Variants in SEL1L observed in about 807,000 individuals in gnomAD.
SEL1L encodes the protein SEL1L adaptor subunit of SYVN1 ubiquitin ligase.
In SEL1L, 52 loss-of-function variants were observed where a neutral mutation model predicts 109.8. The ratio of observed to expected loss-of-function variants is 0.47; its 90% CI spans 0.38 to 0.60. The LOEUF (loss-of-function observed/expected upper bound fraction) is 0.60, where lower values mean the gene tolerates loss of function less well. Among genes scored for constraint, SEL1L ranks in the 20% least tolerant of loss-of-function variants. SEL1L has a pLI of 0.00. For synonymous variants in SEL1L, 373 were observed against 339.6 expected (o/e 1.10, Z -1.08); for missense variants, 749 against 962.2 (o/e 0.78, Z 2.93).
rs1885434928 is a variant in SEL1L at position 81,533,812 on chromosome 14, A to G, written c.-68T>C. 1.4e-6 allele frequency: 2 copies of G among 1,472,214 alleles called. No individual in the cohort carries two copies. The highest frequency in any genetic ancestry group is 1.9e-6 in the Non-Finnish European group (2 of 1,067,120). The allele number at this position is 1,472,214 out of a possible 1,614,324, so 91.2% of individuals were successfully genotyped here. A position where few individuals can be genotyped will look rare whatever the true frequency, so the allele number is the denominator to read the frequency against. The stretch of plus-strand genomic sequence containing the variant: ...CGCCTCTGCCACCACGGACTCAGCC[A>G]CCACCGCCGCCTCGCCGCTGCTCTT... On this transcript the variant is annotated 5_prime_UTR_variant, in exon 1 of 21. Transcript: ENST00000336735.
At chr14:81,487,261 A>G (rs1903548753) in intron 16 of SEL1L, 129 bp downstream of exon 16, 1 of 792,454 alleles carries the variant, frequency 1.3e-6, no homozygotes, top group Non-Finnish European at 1.9e-6. Context: ...TTCCCTCAGT[A>G]TATCAAAGCT....
At position 81,479,752 on chromosome 14, in the gene SEL1L, G is replaced by GT. The variant is rs1212198997; in HGVS notation, c.2047-13dup. ...GCAAGGTGAATATCCTATAATACAGGTAAGAAACAAAAATGCATTTCTTGT... is the reference window on the plus strand; with the variant it reads ...GCAAGGTGAATATCCTATAATACAGGTTAAGAAACAAAAATGCATTTCTTGT... On this transcript the variant is annotated splice_polypyrimidine_tract_variant and intron_variant, in intron 19 of 20. Coordinates refer to ENST00000336735, the MANE Select transcript of SEL1L (RefSeq NM_005065.6). The GT allele has an allele frequency of 1.3e-6, 2 of 1,583,682 alleles. No homozygotes were observed. Among genetic ancestry groups the GT allele is most frequent in the Non-Finnish European group, 1.7e-6 (2 of 1,168,584 alleles).
At chr14:81,505,312 G>A (rs1884196040) in intron 4 of SEL1L, among the ~76,000 whole-genome samples, 1 of 152,072 alleles carries the variant, frequency 6.6e-6, no homozygotes, top group Non-Finnish European at 1.5e-5. Context: ...TTTTTCAAAA[G>A]TTATTTTGCT....
At chr14:81,505,948 G>A in intron 4 of SEL1L, 126 bp downstream of exon 4, 3 of 888,884 alleles carry the variant, frequency 3.4e-6, no homozygotes, top group Non-Finnish European at 5.1e-6. Context: ...CTTTAAGGCT[G>A]TAATGACATC....
rs950818610 is a variant in SEL1L, at chr14:81,476,175, G to C, written c.*797C>G. On this transcript the variant is annotated 3_prime_UTR_variant, in exon 21 of 21. Coordinates refer to ENST00000336735, the MANE Select transcript of SEL1L (RefSeq NM_005065.6). ...GTCCATCCTCTGGCTTCTGGATCAA[G>C]GCTCTGTATATTCAAAACAAACAAG... The C allele has an allele frequency of 1.3e-5, 2 of 152,326 alleles. No individual in the cohort carries two copies. Among genetic ancestry groups the C allele is most frequent in the Admixed American group, 6.5e-5 (1 of 15,300 alleles). The allele number at this position is 152,326 out of a possible 1,614,324, so 9.4% of individuals were successfully genotyped here.
At chr14:81,477,842 A>G (rs1256842612) in intron 20 of SEL1L, among the ~76,000 whole-genome samples, 1 of 152,194 alleles carries the variant, frequency 6.6e-6, no homozygotes, top group Non-Finnish European at 1.5e-5. Flanking sequence ...AACAGTGGTG[A>G]GCCAAGGGGA....
chr14:81,505,973 T>C, intron 4 of SEL1L, 101 bp downstream of exon 4: 1 of 1,224,948 alleles, frequency 8.2e-7, no homozygotes, highest in Non-Finnish European at 1.2e-6. Flanking sequence ...ATGCTGGCCA[T>C]TTCTGACCAA....
chr14:81,502,514 C>T (rs928155862), intron 6 of SEL1L, among the ~76,000 whole-genome samples: 1 of 152,148 alleles, frequency 6.6e-6, no homozygotes, highest in Non-Finnish European at 1.5e-5. Flanking sequence ...TAGCAAGGCA[C>T]AACTGCAAAA....
In SEL1L at chr14:81,526,819, T is replaced by C. The variant is rs1885131508; in HGVS notation, c.254A>G (p.Glu85Gly). The C allele has an allele frequency of 6.2e-7, 1 of 1,606,906 alleles. No individual in the cohort carries two copies. The highest frequency in any genetic ancestry group is 1.1e-5 in the South Asian group (1 of 89,564). The change falls in exon 3 of 21, where the codon GAA becomes GGA. Residue 85 changes from glutamate (E) to glycine (G), a missense_variant. Physicochemically the swap from Glu to Gly is moderately conservative, Grantham distance 98. This residue lies in a region of SEL1L where 366 missense variants were observed against 399.8 expected (regional missense o/e 0.92). Coordinates refer to ENST00000336735, the MANE Select transcript of SEL1L (RefSeq NM_005065.6). ...EEDSLKSQEGESVTEDISFLE... is the reference protein window; with the variant it reads ...EEDSLKSQEGGSVTEDISFLE... ...AAAGCTGATATCTTCTGTGACACTT[T>C]CCCCCTCTTGGCTCTTGAGGCTGTC...
rs186901821 is a variant in SEL1L, at chr14:81,512,231, T to C, written c.341-5990A>G. ...GACCTCACCCAATCAGTTGAAGGAC[T>C]GAGCAGAATGAAGACTGAACCCTAT... On this transcript the variant is annotated intron_variant, in intron 3 of 20. Transcript: ENST00000336735. Among the ~76,000 whole-genome samples the C allele has an allele frequency of 9.8e-5, 15 of 152,324 alleles. No individual in the cohort carries two copies. The East Asian group carries it at 2.3e-3, about 23-fold the overall frequency.
In SEL1L at chr14:81,484,219, A is replaced by G; in HGVS notation, c.2046+6T>C. The G allele has an allele frequency of 6.3e-7, 1 of 1,598,724 alleles. No homozygotes were observed. The highest frequency in any genetic ancestry group is 8.6e-7 in the Non-Finnish European group (1 of 1,167,706). On this transcript the variant is annotated splice_donor_region_variant and intron_variant, in intron 19 of 20. Coordinates refer to ENST00000336735, the MANE Select transcript of SEL1L (RefSeq NM_005065.6). ...TGATTCAAACGTGTTTGGAAGCCAC[A>G]CTCACCTGTTTAATGCCCAGTCCTT...
chr14:81,499,572 C>T (rs368989913), intron 7 of SEL1L, 37 bp downstream of exon 7: 87 of 1,608,214 alleles, frequency 5.4e-5, no homozygotes, highest in Admixed American at 5.1e-5. Context: ...TTATTCAATT[C>T]AAATTGTAAT....
At chr14:81,514,493 T>G (rs780542631) in intron 3 of SEL1L, among the ~76,000 whole-genome samples, 10 of 152,230 alleles carry the variant, frequency 6.6e-5, no homozygotes, top group Admixed American at 2.0e-4. Context: ...CCGATTTTTC[T>G]CAGTCCTCTT....
chr14:81,478,645 T>C (rs1903248780), intron 20 of SEL1L, among the ~76,000 whole-genome samples: 1 of 152,194 alleles, frequency 6.6e-6, no homozygotes, highest in Non-Finnish European at 1.5e-5. Context: ...TACCATGCAA[T>C]TATAGCAACT....
intron 12 of SEL1L, among the ~76,000 whole-genome samples, 182 bp downstream of exon 12, chr14:81,492,298 C>T (rs1008288828): frequency 3.3e-5 from 5 of 152,154 alleles, no homozygotes; most frequent in Non-Finnish European, 7.3e-5. Context: ...GCTGCAAACA[C>T]TATGTTATAT....
At chr14:81,499,701 G>A (rs770039739) in intron 6 of SEL1L, 39 bp from the exon 7 acceptor site, 32 of 1,554,276 alleles carry the variant, frequency 2.1e-5, no homozygotes, top group Non-Finnish European at 2.8e-5. Context: ...TTGCTTTGGT[G>A]AAGGTTTATC....
intron 3 of SEL1L, among the ~76,000 whole-genome samples, chr14:81,516,187 G>C (rs1884694438): frequency 6.6e-6 from 1 of 152,214 alleles, no homozygotes; most frequent in Admixed American, 6.5e-5. Context: ...CCCAGGCCAA[G>C]CGCCAGCTCA....
Position 81,506,090 on chromosome 14 carries a change from C to G in SEL1L, c.492G>C (p.Lys164Asn), listed in dbSNP as rs1348429988. The change falls in exon 4 of 21, where the codon AAG (lysine) becomes AAC (asparagine). Residue 164 changes from lysine (K) to asparagine (N), a missense_variant. Coordinates refer to ENST00000336735, the MANE Select transcript of SEL1L (RefSeq NM_005065.6). ...AATACTTACTTTCACAAAAGCCCCA[C>G]TTTTCATCTGCTTTGTAGTCATAGG... is the stretch of plus-strand genomic sequence containing the variant. The part of the protein sequence containing the change: ...ATTYDYKADE[K>N]WGFCETEEEA... 6.2e-7 allele frequency: 1 copy of G among 1,613,620 alleles called. No individual in the cohort carries two copies. The highest frequency in any genetic ancestry group is 8.5e-7 in the Non-Finnish European group (1 of 1,179,688).
At chr14:81,481,605 T>C in intron 19 of SEL1L, among the ~76,000 whole-genome samples, 1 of 152,232 alleles carries the variant, frequency 6.6e-6, no homozygotes, top group East Asian at 1.9e-4. Context: ...AATATGATGA[T>C]TTTTTCCAAT....
Sources: allele counts gnomAD v4.1 joint callset (sites outside exome capture counted in the v4.1 genomes callset), GRCh38; gene constraint gnomAD v4.1.1; regional missense constraint gnomAD v4.1.1; transcripts MANE v1.5; gene names NCBI Gene and HGNC (gene_info 2026-07-23, HGNC 2026-07-21).